Variants in SLCO1B3 observed in about 807,000 individuals in gnomAD.
SLCO1B3 encodes liver-specific organic anion transporter 2.
SLCO1B3 carries 72 observed loss-of-function variants against 71.8 expected under a neutral mutation model. The observed-to-expected ratio is 1.00, with a 90% CI of 0.83 to 1.22. The LOEUF is 1.22. Ranked by LOEUF, SLCO1B3 falls within the 50% of genes most tolerant of loss-of-function variation. The pLI, the probability that SLCO1B3 is intolerant of heterozygous loss-of-function variation, is 0.00. For missense variants in SLCO1B3, 911 were observed against 819.7 expected (o/e 1.11, Z -1.36); for synonymous variants, 298 against 278.4 (o/e 1.07, Z -0.70).
intron 6 of SLCO1B3, 98 bp downstream of exon 6, chr12:20,861,236 C>A: frequency 3.7e-6 from 4 of 1,079,890 alleles, no homozygotes; most frequent in Non-Finnish European, 5.2e-6. Context: ...GATTTAAGAA[C>A]AAATAGGAAG....
intron 13 of SLCO1B3, 93 bp from the exon 14 acceptor site, chr12:20,898,343 A>G (rs1467123612): frequency 2.5e-6 from 2 of 784,382 alleles, no homozygotes; most frequent in East Asian, 2.6e-5. Context: ...TCATTCTACC[A>G]GGGAGAGGAA....
At chr12:20,894,385 G>T (rs540289145) in intron 13 of SLCO1B3, among the ~76,000 whole-genome samples, 19 of 152,150 alleles carry the variant, frequency 1.2e-4, no homozygotes, top group Non-Finnish European at 2.6e-4. Flanking sequence ...AGGGGTGAGT[G>T]TGTGTGATTG....
intron 8 of SLCO1B3, among the ~76,000 whole-genome samples, chr12:20,868,442 T>C (rs1565595427): frequency 6.6e-6 from 1 of 152,108 alleles, no homozygotes; most frequent in Non-Finnish European, 1.5e-5. Flanking sequence ...ACTCATCTTG[T>C]ATAAATGAAA....
chr12:20,831,545 G>C (rs1216275227), intron 3 of SLCO1B3, among the ~76,000 whole-genome samples: 1 of 152,098 alleles, frequency 6.6e-6, no homozygotes, highest in Non-Finnish European at 1.5e-5. Flanking sequence ...GTAAAGACTT[G>C]TGTGTCTGCA....
chr12:20,897,336 C>G (rs1167049529), intron 13 of SLCO1B3, among the ~76,000 whole-genome samples: 1 of 152,182 alleles, frequency 6.6e-6, no homozygotes, highest in Non-Finnish European at 1.5e-5. Context: ...TTCAGAATCT[C>G]AATAAATGGC....
intron 15 of SLCO1B3, among the ~76,000 whole-genome samples, chr12:20,903,702 C>A (rs1866174385): frequency 6.6e-6 from 1 of 152,162 alleles, no homozygotes; most frequent in African/African-American, 2.4e-5. Context: ...CCAGTCACCT[C>A]CCACCAGGTT....
Position 20,831,356 on chromosome 12 carries a change from C to CAAA in SLCO1B3, c.84+15554_84+15556dup, listed in dbSNP as rs35410136. Among the ~76,000 whole-genome samples, 183 of 91,156 alleles carry CAAA rather than the reference C, an allele frequency of 2.0e-3. 1 individual carries two copies. In the East Asian group the frequency reaches 0.02, roughly 10 times the overall value. 59.8% of individuals were successfully genotyped at this position (91,156 alleles called of 152,430 possible). A position where few individuals can be genotyped will look rare whatever the true frequency, so the allele number is the denominator to read the frequency against. ...TGGGTGACAGAGCGAGACGCCATAT[C>CAAA]AAAAAAAAAAAAAAAAAAAAAAGCC... On this transcript the variant is annotated intron_variant, in intron 3 of 15. Coordinates refer to ENST00000381545, the MANE Select transcript of SLCO1B3 (RefSeq NM_019844.4).
intron 15 of SLCO1B3, among the ~76,000 whole-genome samples, chr12:20,904,801 T>G (rs191031307): frequency 3.9e-5 from 5 of 126,816 alleles, no homozygotes; most frequent in Non-Finnish European, 4.8e-5. Context: ...TGAGACAGTG[T>G]CTTGCTCTGA....
intron 13 of SLCO1B3, among the ~76,000 whole-genome samples, chr12:20,886,451 T>C (rs1215282861): frequency 6.6e-6 from 1 of 151,946 alleles, no homozygotes; most frequent in Non-Finnish European, 1.5e-5. Context: ...TAGCGATTAA[T>C]AATAGAAGGA....
At chr12:20,849,496 C>T (rs1864980231) in intron 3 of SLCO1B3, among the ~76,000 whole-genome samples, 1 of 151,948 alleles carries the variant, frequency 6.6e-6, no homozygotes, top group African/African-American at 2.4e-5. Context: ...AAAAACAATA[C>T]AAGAATATTC....
rs148144300 is a variant in SLCO1B3 at position 20,877,293 on chromosome 12, T to A, written c.971-479T>A. On this transcript the variant is annotated intron_variant, in intron 9 of 15. Coordinates refer to ENST00000381545, the MANE Select transcript of SLCO1B3 (RefSeq NM_019844.4). ...TGTGAATAGTAAAGCGAATTTTAAT[T>A]AGGTGCTCATTAGGAATGGTTAAAA... Among the ~76,000 whole-genome samples the A allele has an allele frequency of 2.3e-3, 357 of 152,292 alleles. 1 individual carries two copies. The highest frequency in any genetic ancestry group is 8.3e-3 in the African/African-American group (343 of 41,552).
In SLCO1B3 at chr12:20,883,557, T is replaced by C. The variant is rs1394802364; in HGVS notation, c.1637T>C (p.Leu546Ser). 6.2e-7 allele frequency: 1 copy of C among 1,602,444 alleles called. No homozygotes were observed. Among genetic ancestry groups the C allele is most frequent in the Non-Finnish European group, 8.5e-7 (1 of 1,176,202 alleles). The change falls in exon 13 of 16, where the codon TTG becomes TCG. Residue 546 changes from leucine to serine, a missense_variant. Transcript: ENST00000381545. ...IYVAIQVINS[L>S]FSATGGTTFI... ...GTTGCAATTCAAGTCATAAACTCTT[T>C]GTTCTCTGCAACAGGAGGTACCACA...
At chr12:20,894,922 G>C (rs533236114) in intron 13 of SLCO1B3, among the ~76,000 whole-genome samples, 2 of 152,294 alleles carry the variant, frequency 1.3e-5, no homozygotes, top group Admixed American at 1.3e-4. Context: ...ACGTGGCTGG[G>C]TAAGCCTCAC....
At position 20,901,213 on chromosome 12, in the gene SLCO1B3, G is replaced by A. The variant is rs577835783; in HGVS notation, c.1748-137G>A. On this transcript the variant is annotated intron_variant, in intron 14 of 15. Transcript: ENST00000381545. ...TTTCTAATAATTTTGATTCCTGGGT[G>A]GATGTAAGCCAAACCAATGGAATAA... The A allele has an allele frequency of 8.0e-6, 5 of 623,414 alleles. No homozygotes were observed. The East Asian group carries it at 1.2e-4, about 15-fold the overall frequency. 38.6% of individuals were successfully genotyped at this position (623,414 alleles called of 1,614,324 possible). A position where few individuals can be genotyped will look rare whatever the true frequency, so the allele number is the denominator to read the frequency against.
At chr12:20,818,300 TA>T (rs1864228914) in intron 3 of SLCO1B3, among the ~76,000 whole-genome samples, 2 of 152,114 alleles carry the variant, frequency 1.3e-5, no homozygotes, top group Non-Finnish European at 2.9e-5. Context: ...ACTAAGAGCC[TA>T]AAAAAATGCT....
chr12:20,838,813 A>T (rs1398830668), intron 3 of SLCO1B3, among the ~76,000 whole-genome samples: 1 of 152,076 alleles, frequency 6.6e-6, no homozygotes, highest in African/African-American at 2.4e-5. Context: ...TTGAATTAAT[A>T]TCTACCATAC....
intron 8 of SLCO1B3, among the ~76,000 whole-genome samples, chr12:20,863,317 C>T (rs1425880826): frequency 1.3e-5 from 2 of 152,102 alleles, no homozygotes; most frequent in Non-Finnish European, 2.9e-5. Context: ...CTGGTTCTCA[C>T]TGAGGGCTTG....
intron 6 of SLCO1B3, among the ~76,000 whole-genome samples, chr12:20,861,921 G>T (rs1865273884): frequency 7.0e-6 from 1 of 142,042 alleles, no homozygotes; most frequent in East Asian, 2.1e-4. Flanking sequence ...TCACAGCCAT[G>T]ACATCCATGT....
chr12:20,832,643 G>A (rs191680554), intron 3 of SLCO1B3, among the ~76,000 whole-genome samples: 1 of 151,894 alleles, frequency 6.6e-6, no homozygotes, highest in Non-Finnish European at 1.5e-5. Context: ...TCCGGCCATG[G>A]TGGCCTTTTT....
Sources: gnomAD v4.1 joint callset for allele counts (sites outside exome capture counted in the v4.1 genomes callset) on GRCh38, gnomAD v4.1.1 for gene constraint, MANE v1.5 for transcripts, NCBI Gene and HGNC (gene_info 2026-07-23, HGNC 2026-07-21) for gene names.